The following RAB6A variants were observed in gnomAD, a reference collection of about 807,000 sequenced individuals.
The protein encoded by RAB6A is ras-related protein Rab-6A.
Under a neutral mutation model 32.3 loss-of-function variants are expected in RAB6A, and 8 were observed. The observed-to-expected ratio is 0.25, with a 90% CI of 0.15 to 0.45. The LOEUF (loss-of-function observed/expected upper bound fraction) is 0.45, where lower values mean the gene tolerates loss of function less well. Among genes scored for constraint, RAB6A ranks in the 20% least tolerant of loss-of-function variants. The pLI is 1.00. For synonymous variants in RAB6A, 73 were observed against 82.1 expected, an observed-to-expected ratio of 0.89 and a Z score of 0.60; for missense variants, 104 against 249.4, an observed-to-expected ratio of 0.42 and a Z score of 3.93.
intron 1 of RAB6A, among the ~76,000 whole-genome samples, chr11:73,738,970 A>C (rs536714802): frequency 2.9e-4 from 43 of 150,374 alleles, no homozygotes; most frequent in Middle Eastern, 3.4e-3. Flanking sequence ...ACTAAACTAA[A>C]CTAAACTAAT....
chr11:73,685,219 A>G (rs531336058), intron 6 of RAB6A, among the ~76,000 whole-genome samples: 8 of 151,298 alleles, frequency 5.3e-5, no homozygotes, highest in South Asian at 2.1e-4. Flanking sequence ...GCCTGATTAG[A>G]TTATTGTGTA....
At chr11:73,728,610 A>AATAATAATAATAAT (rs1946258978) in intron 2 of RAB6A, among the ~76,000 whole-genome samples, 1 of 136,484 alleles carries the variant, frequency 7.3e-6, no homozygotes, top group South Asian at 2.4e-4. Flanking sequence ...GTCTTTGTTT[A>AATAATAATAATAAT]AATAATAATA....
intron 6 of RAB6A, among the ~76,000 whole-genome samples, chr11:73,706,004 G>T (rs1945836050): frequency 6.6e-6 from 1 of 151,886 alleles, no homozygotes. Flanking sequence ...CTAAGCAAAG[G>T]AAACAAAAGC....
At chr11:73,705,107 A>C (rs911115161) in intron 6 of RAB6A, among the ~76,000 whole-genome samples, 6 of 152,238 alleles carry the variant, frequency 3.9e-5, no homozygotes, top group Admixed American at 2.0e-4. Context: ...GCTATCTGAT[A>C]ATTCTAGAGT....
Position 73,730,944 on chromosome 11 carries a change from A to C in RAB6A, c.71-121T>G, listed in dbSNP as rs148446852. ...AAATACCTGCAATGGTTCTACTAAG[A>C]ATAATTAAAACCCATATAGCCCCAA... On this transcript the variant is annotated intron_variant, in intron 1 of 7. Transcript: ENST00000336083. 5.3e-4 allele frequency: 365 copies of C among 690,588 alleles called. 2 individuals are homozygous for C. In the African/African-American group the frequency reaches 6.0e-3, roughly 11 times the overall value. 42.8% of individuals were successfully genotyped at this position (690,588 alleles called of 1,614,324 possible).
chr11:73,734,102 G>A (rs138259784), intron 1 of RAB6A, among the ~76,000 whole-genome samples: 1,920 of 152,128 alleles, frequency 0.013, 22 homozygotes, highest in Middle Eastern at 0.021. Context: ...GTTTAATAAC[G>A]GAGAAGAATT....
chr11:73,734,049 T>A (rs1443678383), intron 1 of RAB6A, among the ~76,000 whole-genome samples: 1 of 152,172 alleles, frequency 6.6e-6, no homozygotes, highest in Non-Finnish European at 1.5e-5. Flanking sequence ...TGATATACTG[T>A]GACAAGAAGG....
intron 6 of RAB6A, among the ~76,000 whole-genome samples, chr11:73,703,577 A>G (rs1158675265): frequency 6.6e-6 from 1 of 152,090 alleles, no homozygotes; most frequent in Non-Finnish European, 1.5e-5. Context: ...CCCTGTCTCT[A>G]CAAAAAATAT....
intron 4 of RAB6A, among the ~76,000 whole-genome samples, chr11:73,717,898 C>G (rs1294444446): frequency 1.3e-5 from 2 of 152,154 alleles, no homozygotes; most frequent in Non-Finnish European, 2.9e-5. Context: ...CAATTTCAAT[C>G]AGAAAGCATT....
rs1206820031 is a variant in RAB6A at position 73,739,279 on chromosome 11, AAAAAAAT to A, written c.71-8463_71-8457del. On this transcript the variant is annotated intron_variant, in intron 1 of 7. Coordinates refer to ENST00000336083, the MANE Select transcript of RAB6A (RefSeq NM_198896.2). ...AATAATAATTAAAAAAAAAAAAAAA[AAAAAAAT>A]ATATATATATATATATATAAATACT... is the stretch of plus-strand genomic sequence containing the variant. Among the ~76,000 whole-genome samples, 10 of 44,838 alleles carry A rather than the reference AAAAAAAT, an allele frequency of 2.2e-4. 1 individual carries two copies. Among genetic ancestry groups the A allele is most frequent in the African/African-American group, 4.9e-4 (8 of 16,210 alleles). The allele number at this position is 44,838 out of a possible 152,430, so 29.4% of individuals were successfully genotyped here.
At chr11:73,750,070 G>A (rs922470776) in intron 1 of RAB6A, among the ~76,000 whole-genome samples, 1 of 152,114 alleles carries the variant, frequency 6.6e-6, no homozygotes, top group African/African-American at 2.4e-5. Context: ...GTAAAGATGA[G>A]TGTTAGAAGT....
At chr11:73,730,485 A>G in intron 2 of RAB6A, 1 of 288,984 alleles carries the variant, frequency 3.5e-6, no homozygotes, top group East Asian at 6.2e-5. Context: ...CTAGGCTTGG[A>G]CAAAATCTAT....
At chr11:73,692,502 C>CAAAA (rs34201129) in intron 6 of RAB6A, among the ~76,000 whole-genome samples, 10 of 56,418 alleles carry the variant, frequency 1.8e-4, no homozygotes, top group African/African-American at 4.5e-4. Flanking sequence ...GACTCTGTCT[C>CAAAA]AAAAAAAAAA....
At chr11:73,683,646 G>A (rs1945394207) in intron 6 of RAB6A, among the ~76,000 whole-genome samples, 1 of 151,888 alleles carries the variant, frequency 6.6e-6, no homozygotes, top group African/African-American at 2.4e-5. Flanking sequence ...TCCGCCTCCT[G>A]GGTTCAAGTG....
intron 1 of RAB6A, among the ~76,000 whole-genome samples, chr11:73,745,910 G>A (rs1374912242): frequency 6.6e-6 from 1 of 151,748 alleles, no homozygotes; most frequent in African/African-American, 2.4e-5. Flanking sequence ...TGAGGCACAA[G>A]AATCGCTTAA....
intron 2 of RAB6A, among the ~76,000 whole-genome samples, chr11:73,726,399 A>G (rs1946221208): frequency 6.6e-6 from 1 of 150,806 alleles, no homozygotes; most frequent in South Asian, 2.1e-4. Context: ...TGGCTAGCAC[A>G]GTGAAACCCT....
chr11:73,720,828 A>C lies in RAB6A; in HGVS notation c.183+18T>G, dbSNP rs747884933. ...CCTGGAATGTTGCAGAAAATTGCACACTGAAAATATTACTCACTGTTCGAT... is the reference window on the plus strand; with the variant it reads ...CCTGGAATGTTGCAGAAAATTGCACCCTGAAAATATTACTCACTGTTCGAT... On this transcript the variant is annotated intron_variant, in intron 3 of 7. Transcript: ENST00000336083. 4 of 1,587,686 alleles carry C rather than the reference A, an allele frequency of 2.5e-6. No homozygotes were observed. The highest frequency in any genetic ancestry group is 3.4e-6 in the Non-Finnish European group (4 of 1,161,538).
intron 6 of RAB6A, among the ~76,000 whole-genome samples, chr11:73,698,849 AT>A (rs555410867): frequency 0.11 from 12,778 of 117,924 alleles, 409 homozygotes; most frequent in East Asian, 0.15. Context: ...TTTTTTTGCG[AT>A]TTTTTTTTTT....
chr11:73,678,725 GT>G (rs113575507), intron 7 of RAB6A, among the ~76,000 whole-genome samples: 56,080 of 144,498 alleles, frequency 0.39, 11,589 homozygotes, highest in African/African-American at 0.54. Flanking sequence ...TTGTTGTTGT[GT>G]TTTTTTTTTT....
Sources: allele counts gnomAD v4.1 joint callset (sites outside exome capture counted in the v4.1 genomes callset), GRCh38; gene constraint gnomAD v4.1.1; transcripts MANE v1.5; gene names NCBI Gene and HGNC (gene_info 2026-07-23, HGNC 2026-07-21).